The following ASTN2 variants were observed in gnomAD, a reference collection of about 807,000 sequenced individuals.
ASTN2 encodes the protein astrotactin-2.
In ASTN2, 54 loss-of-function variants were observed where a neutral mutation model predicts 139.8. The ratio of observed to expected loss-of-function variants is 0.39; its 90% CI spans 0.31 to 0.48. The LOEUF is 0.48. ASTN2 is among the 20% of genes least tolerant of loss of function. ASTN2 has a pLI of 0.95. For synonymous variants in ASTN2, 756 were observed against 719.5 expected, an observed-to-expected ratio of 1.05 and a Z score of -0.81; for missense variants, 1,565 against 1,725.1, an observed-to-expected ratio of 0.91 and a Z score of 1.64.
chr9:116,850,938 C>A (rs1181783794), intron 11 of ASTN2, among the ~76,000 whole-genome samples: 3 of 152,094 alleles, frequency 2.0e-5, no homozygotes, highest in Non-Finnish European at 4.4e-5. Context: ...GGAGTAGGAT[C>A]CAAAGCATCA....
At chr9:116,664,264 A>G (rs2131967535) in intron 16 of ASTN2, among the ~76,000 whole-genome samples, 1 of 152,006 alleles carries the variant, frequency 6.6e-6, no homozygotes, top group Non-Finnish European at 1.5e-5. Context: ...TTTTTAATAT[A>G]GGCACAGGGC....
intron 17 of ASTN2, among the ~76,000 whole-genome samples, chr9:116,635,159 T>C (rs1002516211): frequency 6.6e-6 from 1 of 152,198 alleles, no homozygotes. Flanking sequence ...CCTAAGTCTA[T>C]CTGATTCAAG....
intron 4 of ASTN2, among the ~76,000 whole-genome samples, chr9:117,124,015 T>A (rs1004287226): frequency 6.6e-6 from 1 of 152,140 alleles, no homozygotes; most frequent in Non-Finnish European, 1.5e-5. Context: ...TTGCATCGAA[T>A]TTATAGGAAT....
At position 117,337,613 on chromosome 9, in the gene ASTN2, G is replaced by T. The variant is rs551522184; in HGVS notation, c.443-46100C>A. Among the ~76,000 whole-genome samples, 15 of 152,282 alleles carry T rather than the reference G, an allele frequency of 9.9e-5. No individual in the cohort carries two copies. In the South Asian group the frequency reaches 2.9e-3, roughly 30 times the overall value. ...GCAAAATAACTCTTAAGTGTATTCT[G>T]TGCATTTGTATAACTTCAATATGTT... On this transcript the variant is annotated intron_variant, in intron 1 of 22. Transcript: ENST00000313400.
chr9:117,056,955 A>G (rs1839081964), intron 5 of ASTN2, among the ~76,000 whole-genome samples: 1 of 152,236 alleles, frequency 6.6e-6, no homozygotes, highest in South Asian at 2.1e-4. Flanking sequence ...CATATGTAAA[A>G]CAGAACTAAT....
intron 1 of ASTN2, among the ~76,000 whole-genome samples, chr9:117,396,816 T>G (rs1830688917): frequency 6.6e-6 from 1 of 152,176 alleles, no homozygotes; most frequent in Admixed American, 6.5e-5. Context: ...TCTGCCCGTC[T>G]TGGTCTCCCA....
chr9:116,566,991 T>C (rs563787326), intron 19 of ASTN2, among the ~76,000 whole-genome samples: 11 of 152,198 alleles, frequency 7.2e-5, no homozygotes, highest in Non-Finnish European at 1.5e-4. Flanking sequence ...TTTTATCCCA[T>C]CTCAGCATCT....
At chr9:117,012,942 C>T (rs1837574944) in intron 6 of ASTN2, among the ~76,000 whole-genome samples, 1 of 152,178 alleles carries the variant, frequency 6.6e-6, no homozygotes, top group South Asian at 2.1e-4. Context: ...ATGGCGTCTG[C>T]CTACTGAGAA....
intron 6 of ASTN2, among the ~76,000 whole-genome samples, chr9:117,030,325 C>T (rs1328090969): frequency 6.6e-6 from 1 of 152,208 alleles, no homozygotes; most frequent in East Asian, 1.9e-4. Flanking sequence ...TTCACAACAA[C>T]AGAACGGAAT....
At chr9:117,178,531 C>G (rs894913989) in intron 3 of ASTN2, among the ~76,000 whole-genome samples, 13 of 152,156 alleles carry the variant, frequency 8.5e-5, no homozygotes, top group African/African-American at 2.9e-4. Context: ...AAATCAGCAG[C>G]AAATTCCCCA....
intron 10 of ASTN2, among the ~76,000 whole-genome samples, chr9:116,937,320 C>T (rs907589203): frequency 7.2e-5 from 11 of 152,310 alleles, no homozygotes; most frequent in Admixed American, 7.2e-4. Flanking sequence ...TTCCCTGTCA[C>T]CACCCATCAC....
intron 10 of ASTN2, among the ~76,000 whole-genome samples, chr9:116,879,195 A>G (rs1219877774): frequency 6.6e-6 from 1 of 152,010 alleles, no homozygotes; most frequent in Non-Finnish European, 1.5e-5. Flanking sequence ...CAGATTCTAC[A>G]TTTCTACAAT....
At chr9:117,341,333 A>G (rs1829056202) in intron 1 of ASTN2, among the ~76,000 whole-genome samples, 1 of 152,128 alleles carries the variant, frequency 6.6e-6, no homozygotes, top group Non-Finnish European at 1.5e-5. Flanking sequence ...CTGCCAAAGC[A>G]TTTTTACACA....
rs1257625395 is a variant in ASTN2, at chr9:116,678,078, A to C, written c.2807-26285T>G. Among the ~76,000 whole-genome samples, 3 of 152,230 alleles carry C rather than the reference A, an allele frequency of 2.0e-5. No individual in the cohort carries two copies. In the East Asian group the frequency reaches 5.8e-4, roughly 29 times the overall value. ...CCTTTTTGTTCATATGACTTCAGTA[A>C]TCTTTTGGAAATAAAGACAGTTTTA... On this transcript the variant is annotated intron_variant, in intron 16 of 22. Coordinates refer to ENST00000313400, the MANE Select transcript of ASTN2 (RefSeq NM_001365068.1).
rs368764404 is a variant in ASTN2, at chr9:116,933,250, C to A, written c.1889+41958G>T. Among the ~76,000 whole-genome samples the A allele has an allele frequency of 8.5e-5, 13 of 152,078 alleles. No individual in the cohort carries two copies. The East Asian group carries it at 1.4e-3, about 16-fold the overall frequency. On this transcript the variant is annotated intron_variant, in intron 10 of 22. Transcript: ENST00000313400. ...CAGCTTCCTTAAAACAAATCGAGCA[C>A]CCCTCCTGGATTCTTCTTATTACCT...
intron 10 of ASTN2, among the ~76,000 whole-genome samples, chr9:116,944,164 T>G (rs1444249596): frequency 6.6e-6 from 1 of 152,060 alleles, no homozygotes; most frequent in East Asian, 1.9e-4. Flanking sequence ...AGAAAATGAT[T>G]AAGCAAAATG....
At chr9:117,321,401 C>T (rs1000881752) in intron 1 of ASTN2, among the ~76,000 whole-genome samples, 2 of 152,190 alleles carry the variant, frequency 1.3e-5, no homozygotes, top group African/African-American at 2.4e-5. Flanking sequence ...TCTCTCTAAA[C>T]AAACCAGTTC....
chr9:117,329,653 T>C (rs1391715535), intron 1 of ASTN2, among the ~76,000 whole-genome samples: 2 of 152,152 alleles, frequency 1.3e-5, no homozygotes, highest in Non-Finnish European at 2.9e-5. Context: ...AGAAACCAGA[T>C]GCAATTCCTT....
chr9:116,908,098 C>T (rs537104021), intron 10 of ASTN2, among the ~76,000 whole-genome samples: 172 of 151,978 alleles, frequency 1.1e-3, no homozygotes, highest in African/African-American at 3.6e-3. Context: ...GGCGTGTGGG[C>T]GAAAAGAAAT....
Sources: allele counts gnomAD v4.1 joint callset (sites outside exome capture counted in the v4.1 genomes callset), GRCh38; gene constraint gnomAD v4.1.1; transcripts MANE v1.5; gene names NCBI Gene and HGNC (gene_info 2026-07-23, HGNC 2026-07-21).